UCMA: variants seen among roughly 807,000 people sequenced by gnomAD.
UCMA encodes upper zone of growth plate and cartilage matrix-associated protein.
In UCMA, 21 loss-of-function variants were observed where a neutral mutation model predicts 21.8. The ratio of observed to expected loss-of-function variants is 0.97; its 90% CI spans 0.68 to 1.39. The LOEUF (loss-of-function observed/expected upper bound fraction) is 1.39. Ranked by LOEUF, UCMA falls within the 40% of genes most tolerant of loss-of-function variation. The pLI is 0.00. For missense variants in UCMA, 193 were observed against 178.9 expected (o/e 1.08, Z -0.45); for synonymous variants, 76 against 67.9 (o/e 1.12, Z -0.58).
chr10:13,225,472 C>G lies in UCMA; in HGVS notation c.320-3272G>C, dbSNP rs1006598293. Among the ~76,000 whole-genome samples, 9 of 152,106 alleles carry G rather than the reference C, an allele frequency of 5.9e-5. No homozygotes were observed. The South Asian group carries it at 1.5e-3, about 25-fold the overall frequency. On this transcript the variant is annotated intron_variant, in intron 4 of 4. Transcript: ENST00000378681. ...GGCAGATCACCTGAAGTCAGGAGTT[C>G]AAGACCAGCCTGGCCAACATGGTGA...
chr10:13,229,611 C>T lies in UCMA; in HGVS notation c.319G>A (p.Glu107Lys), dbSNP rs1391581179. ...FENFVEEQND[E>K]QEERSREAVE... The stretch of plus-strand genomic sequence containing the variant: ...AAGACACTGGCTGAAGAGCTCTTAC[C>T]ATCGTTTTGTTCCTCCACGAAGTTC... Residue 107 changes from glutamate to lysine, a missense_variant and splice_region_variant, in exon 4 of 5, where the codon GAG (glutamate) becomes AAG (lysine). Glu to Lys is a moderately conservative substitution (Grantham distance 56). Coordinates refer to ENST00000378681, the MANE Select transcript of UCMA (RefSeq NM_145314.3). The T allele has an allele frequency of 6.2e-7, 1 of 1,613,524 alleles. No homozygotes were observed. Among genetic ancestry groups the T allele is most frequent in the East Asian group, 2.2e-5 (1 of 44,854 alleles).
Position 13,222,139 on chromosome 10 carries a change from C to T in UCMA, c.381G>A (p.Leu127=), listed in dbSNP as rs781758373. The T allele has an allele frequency of 5.6e-6, 9 of 1,614,166 alleles. No homozygotes were observed. Among genetic ancestry groups the T allele is most frequent in the Middle Eastern group, 3.3e-4 (2 of 6,062 alleles). Residue 127 remains leucine, a synonymous_variant, in exon 5 of 5, where the codon CTG becomes CTA. Transcript: ENST00000378681. ...GGCGGTTGTAGAGATAGGATGGGTG[C>T]AGGCCGTCATAGTGCCACTGGCGCC... ...EQWRQWHYDG[L]HPSYLYNRHH...
intron 4 of UCMA, among the ~76,000 whole-genome samples, chr10:13,225,097 T>C (rs1259496786): frequency 1.3e-5 from 2 of 151,982 alleles, no homozygotes; most frequent in East Asian, 3.9e-4. Context: ...TCTCATCCTG[T>C]TGCCCAAGCA....
chr10:13,225,214 G>A (rs1465414468), intron 4 of UCMA, among the ~76,000 whole-genome samples: 2 of 152,004 alleles, frequency 1.3e-5, no homozygotes, highest in East Asian at 1.9e-4. Context: ...CCACCATGCC[G>A]GGCTAATTTT....
chr10:13,233,509 G>C, intron 3 of UCMA, 29 bp downstream of exon 3: 3 of 1,585,716 alleles, frequency 1.9e-6, no homozygotes, highest in Non-Finnish European at 1.7e-6. Flanking sequence ...GGTGATGGAC[G>C]CGGGATGGGG....
At chr10:13,224,367 G>A (rs1834797167) in intron 4 of UCMA, among the ~76,000 whole-genome samples, 1 of 149,922 alleles carries the variant, frequency 6.7e-6, no homozygotes, top group Non-Finnish European at 1.5e-5. Context: ...GGGAGGGAAA[G>A]AGAAAGTAAA....
intron 4 of UCMA, among the ~76,000 whole-genome samples, chr10:13,225,621 G>A (rs1717115784): frequency 1.4e-5 from 2 of 146,954 alleles, no homozygotes; most frequent in African/African-American, 5.0e-5. Flanking sequence ...GTTTCATTGA[G>A]CCGAGATAGC....
At chr10:13,223,448 T>C (rs763572967) in intron 4 of UCMA, among the ~76,000 whole-genome samples, 1 of 152,166 alleles carries the variant, frequency 6.6e-6, no homozygotes, top group Non-Finnish European at 1.5e-5. Flanking sequence ...TTCTGGCACA[T>C]TCTACAACAT....
chr10:13,232,923 T>C (rs1159104402), intron 3 of UCMA, among the ~76,000 whole-genome samples: 1 of 147,076 alleles, frequency 6.8e-6, no homozygotes, highest in African/African-American at 2.5e-5. Context: ...CTCACCCCAA[T>C]GTGTTGAAAA....
intron 4 of UCMA, among the ~76,000 whole-genome samples, chr10:13,225,418 T>G (rs113678346): frequency 0.059 from 8,893 of 151,856 alleles, 301 homozygotes; most frequent in African/African-American, 0.095. Flanking sequence ...CTCACGCCTG[T>G]AATCCCAGCA....
intron 4 of UCMA, among the ~76,000 whole-genome samples, chr10:13,222,527 G>A (rs1296032154): frequency 1.3e-5 from 2 of 152,052 alleles, no homozygotes; most frequent in Non-Finnish European, 2.9e-5. Context: ...GACACAAGAC[G>A]AAAAAGTAAC....
chr10:13,229,650 T>A lies in UCMA; in HGVS notation c.280A>T (p.Arg94Trp), dbSNP rs568165579. The A allele has an allele frequency of 5.6e-5, 90 of 1,614,186 alleles. 1 individual carries two copies. The East Asian group carries it at 2.0e-3, about 36-fold the overall frequency. ...ELRREYYEEQ[R>W]NEFENFVEEQ... ...TCCACGAAGTTCTCAAATTCATTCC[T>A]TTGTTCCTCGTAATATTCTCTCCGC... The change falls in exon 4 of 5, where the codon AGG becomes TGG. Residue 94 changes from arginine (R) to tryptophan (W), a missense_variant. By Grantham distance (101) the Arg-to-Trp change is moderately radical. Transcript: ENST00000378681.
chr10:13,226,790 G>A (rs1259072655), intron 4 of UCMA, among the ~76,000 whole-genome samples: 2 of 152,130 alleles, frequency 1.3e-5, no homozygotes, highest in African/African-American at 4.8e-5. Flanking sequence ...ATCTGTGTGG[G>A]TGAGACCTAG....
intron 4 of UCMA, among the ~76,000 whole-genome samples, chr10:13,223,107 T>A (rs938532984): frequency 6.6e-6 from 1 of 151,464 alleles, no homozygotes; most frequent in Non-Finnish European, 1.5e-5. Context: ...ACACCTGTAA[T>A]CCCAGCTACT....
At position 13,222,097 on chromosome 10, in the gene UCMA, A is replaced by G. The variant is rs1253033047; in HGVS notation, c.*6T>C. ...CTTTGTCTTCTTGGCCGGCTTCAGG[A>G]TGGGATCAGGTGTGGTGGCGGTTGT... On this transcript the variant is annotated 3_prime_UTR_variant, in exon 5 of 5. Transcript: ENST00000378681. 1 of 1,613,914 alleles carries G rather than the reference A, an allele frequency of 6.2e-7. No individual in the cohort carries two copies. The highest frequency in any genetic ancestry group is 8.5e-7 in the Non-Finnish European group (1 of 1,179,968).
intron 4 of UCMA, 108 bp from the exon 5 acceptor site, chr10:13,222,308 G>T: frequency 2.1e-6 from 2 of 944,648 alleles, no homozygotes; most frequent in Non-Finnish European, 3.2e-6. Flanking sequence ...TGCACTGAGA[G>T]TGTTTGTGAG....
chr10:13,229,731 G>C, intron 3 of UCMA, 22 bp from the exon 4 acceptor site: 1 of 1,609,038 alleles, frequency 6.2e-7, no homozygotes, highest in Non-Finnish European at 8.5e-7. Context: ...AAAGAAGCAA[G>C]AGTTGCCCCT....
chr10:13,227,993 C>G (rs536825193), intron 4 of UCMA, among the ~76,000 whole-genome samples: 4 of 152,158 alleles, frequency 2.6e-5, no homozygotes, highest in African/African-American at 9.6e-5. Flanking sequence ...GGAACCCTGT[C>G]TGCCAAGGGG....
intron 3 of UCMA, among the ~76,000 whole-genome samples, chr10:13,230,230 G>A (rs1478678324): frequency 6.6e-6 from 1 of 152,122 alleles, no homozygotes; most frequent in Non-Finnish European, 1.5e-5. Context: ...GTTGCTTGAG[G>A]CCAGGAGTTC....
Sources: allele counts gnomAD v4.1 joint callset (sites outside exome capture counted in the v4.1 genomes callset), GRCh38; gene constraint gnomAD v4.1.1; transcripts MANE v1.5; gene names NCBI Gene and HGNC (gene_info 2026-07-23, HGNC 2026-07-21).